The following CTIF variants were observed in gnomAD, a reference collection of about 807,000 sequenced individuals.
The protein encoded by CTIF is cap binding complex dependent translation initiation factor.
In CTIF, 21 loss-of-function variants were observed where a neutral mutation model predicts 66.0. The observed-to-expected ratio is 0.32, with a 90% confidence interval of 0.23 to 0.46. The LOEUF (loss-of-function observed/expected upper bound fraction) is 0.46, where lower values mean the gene tolerates loss of function less well. Among genes scored for constraint, CTIF ranks in the 20% least tolerant of loss-of-function variants. The pLI is 1.00. For synonymous variants in CTIF, 345 were observed against 326.4 expected (o/e 1.06, Z -0.62); for missense variants, 739 against 812.7 (o/e 0.91, Z 1.10).
rs189506293 is a variant in CTIF, at chr18:48,669,270, G to T, written c.432-1399G>T. Among the ~76,000 whole-genome samples, 605 of 152,212 alleles carry T rather than the reference G, an allele frequency of 4.0e-3. 7 individuals are homozygous for T. Among genetic ancestry groups the T allele is most frequent in the African/African-American group, 0.014 (583 of 41,512 alleles). ...AAACAATGAACTAGTTACTCTGAAA[G>T]GTGAGATTCGTATGAACTCTGCAGC... On this transcript the variant is annotated intron_variant, in intron 5 of 11. Coordinates refer to ENST00000256413, the MANE Select transcript of CTIF (RefSeq NM_014772.3).
intron 6 of CTIF, among the ~76,000 whole-genome samples, chr18:48,711,060 AAAG>A (rs1375098209): frequency 4.6e-5 from 7 of 152,350 alleles, no homozygotes; most frequent in Admixed American, 4.6e-4. Context: ...CAATATAGGG[AAAG>A]AAGATCTTGG....
At chr18:48,561,700 C>T (rs2089167984) in intron 1 of CTIF, among the ~76,000 whole-genome samples, 1 of 152,204 alleles carries the variant, frequency 6.6e-6, no homozygotes, top group Non-Finnish European at 1.5e-5. Context: ...GGAAGTGTGT[C>T]TATATTCTGA....
Position 48,758,050 on chromosome 18 carries a change from C to T in CTIF, c.716C>T (p.Pro239Leu), listed in dbSNP as rs1240968585. 1 of 1,614,076 alleles carries T rather than the reference C, an allele frequency of 6.2e-7. No individual in the cohort carries two copies. Among genetic ancestry groups the T allele is most frequent in the African/African-American group, 1.3e-5 (1 of 75,034 alleles). ...GGSAPHPSGRPTHHGYSQNRR... is the reference protein window; with the variant it reads ...GGSAPHPSGRLTHHGYSQNRR... ...TCAGCACCCCACCCCTCAGGGAGGC[C>T]CACTCACCATGGCTACAGCCAGAAC... The change falls in exon 8 of 12, where the codon CCC (proline) becomes CTC (leucine). Residue 239 changes from proline (P) to leucine (L), a missense_variant. Transcript: ENST00000256413.
rs775288854 is a variant in CTIF, at chr18:48,761,446, C to T, written c.1128C>T (p.Ile376=). ...AGCAGAACAAGATGGACAAGCTGAT[C>T]GAGATCCTGAACAGCATGCGGAACA... ...TPQQNKMDKL[I]EILNSMRNNS... Residue 376 remains isoleucine, a synonymous_variant, in exon 9 of 12, where the codon ATC becomes ATT. Transcript: ENST00000256413. This position sits in a 1 kb window ranked among gnomAD's most constrained non-coding sequence, Gnocchi z 4.2. The T allele has an allele frequency of 1.1e-5, 17 of 1,613,992 alleles. 1 individual carries two copies. Among genetic ancestry groups the T allele is most frequent in the South Asian group, 7.7e-5 (7 of 91,086 alleles).
intron 1 of CTIF, among the ~76,000 whole-genome samples, chr18:48,550,645 G>A (rs1032910626): frequency 1.3e-5 from 2 of 152,146 alleles, no homozygotes; most frequent in Non-Finnish European, 2.9e-5. Context: ...AGCACAGTCT[G>A]TGGGTTGCTA....
rs182336067 is a variant in CTIF at position 48,815,854 on chromosome 18, A to G, written c.1372-1367A>G. ...GTCACATTCTACAACCTGTCTTCCC[A>G]TGTTCTATTTTGGTGGTGACACAGT... is the stretch of plus-strand genomic sequence containing the variant. On this transcript the variant is annotated intron_variant, in intron 9 of 11. Transcript: ENST00000256413. Among the ~76,000 whole-genome samples, 16 of 152,282 alleles carry G rather than the reference A, an allele frequency of 1.1e-4. No homozygotes were observed. In the East Asian group the frequency reaches 2.9e-3, roughly 28 times the overall value.
chr18:48,582,936 C>T (rs187895788), intron 1 of CTIF, among the ~76,000 whole-genome samples: 28 of 152,352 alleles, frequency 1.8e-4, no homozygotes, highest in Non-Finnish European at 4.4e-5. Flanking sequence ...CTCAGCAGAG[C>T]AGGCCAGCAC....
intron 1 of CTIF, among the ~76,000 whole-genome samples, chr18:48,618,071 G>A (rs1181861994): frequency 6.6e-6 from 1 of 152,224 alleles, no homozygotes; most frequent in Non-Finnish European, 1.5e-5. Flanking sequence ...AGGCAGTGAG[G>A]GTGTGGGAGA....
At chr18:48,653,218 A>G (rs1455175125) in intron 3 of CTIF, among the ~76,000 whole-genome samples, 2 of 152,234 alleles carry the variant, frequency 1.3e-5, no homozygotes, top group East Asian at 1.9e-4. Context: ...ATGATTGTAT[A>G]CTTAGAAAAC....
At chr18:48,795,729 T>C (rs2067900691) in intron 9 of CTIF, among the ~76,000 whole-genome samples, 1 of 152,250 alleles carries the variant, frequency 6.6e-6, no homozygotes, top group African/African-American at 2.4e-5. Flanking sequence ...GTCATCAGCC[T>C]GATTACTAAG....
chr18:48,598,941 C>T (rs893821258), intron 1 of CTIF, among the ~76,000 whole-genome samples: 11 of 152,178 alleles, frequency 7.2e-5, no homozygotes, highest in Non-Finnish European at 1.3e-4. Flanking sequence ...TGCCCCTATA[C>T]GAGTGGAGCA....
At chr18:48,857,498 G>A (rs2069356949) in intron 10 of CTIF, 90 bp from the exon 11 acceptor site, 3 of 1,156,748 alleles carry the variant, frequency 2.6e-6, no homozygotes, top group South Asian at 1.5e-5. Context: ...CAGGGCTGGG[G>A]CTGCAGGTCG....
chr18:48,635,297 T>C (rs1323599080), intron 2 of CTIF, among the ~76,000 whole-genome samples: 1 of 136,038 alleles, frequency 7.4e-6, no homozygotes, highest in Non-Finnish European at 1.6e-5. Flanking sequence ...CTGCTTTTTC[T>C]TTTTTTTCTT....
chr18:48,858,775 C>T (rs11876330), intron 11 of CTIF, among the ~76,000 whole-genome samples: 1 of 151,964 alleles, frequency 6.6e-6, no homozygotes, highest in Admixed American at 6.5e-5. Flanking sequence ...TTCTCTCCCC[C>T]ACTTCCTGTC....
intron 6 of CTIF, among the ~76,000 whole-genome samples, chr18:48,700,658 C>T (rs563885617): frequency 4.6e-5 from 7 of 152,342 alleles, no homozygotes; most frequent in Admixed American, 2.6e-4. Flanking sequence ...GCCCCTCAAG[C>T]GTGGGCCGTG....
chr18:48,651,174 G>T (rs968527852), intron 3 of CTIF, among the ~76,000 whole-genome samples: 1 of 152,164 alleles, frequency 6.6e-6, no homozygotes, highest in African/African-American at 2.4e-5. Flanking sequence ...TGAGCTAAAT[G>T]CCCCAATTAA....
At chr18:48,740,372 AC>A (rs2092543334) in intron 7 of CTIF, among the ~76,000 whole-genome samples, 1 of 152,092 alleles carries the variant, frequency 6.6e-6, no homozygotes, top group Non-Finnish European at 1.5e-5. Context: ...ACCTGGCCCA[AC>A]CTAACTTTCC....
intron 10 of CTIF, among the ~76,000 whole-genome samples, chr18:48,855,918 A>T (rs1406749310): frequency 6.6e-6 from 1 of 152,230 alleles, no homozygotes; most frequent in Non-Finnish European, 1.5e-5. Flanking sequence ...CCATAGTGTC[A>T]TCCAGAAAGT....
At chr18:48,781,945 G>A (rs1290866595) in intron 9 of CTIF, among the ~76,000 whole-genome samples, 1 of 152,160 alleles carries the variant, frequency 6.6e-6, no homozygotes, top group Non-Finnish European at 1.5e-5. Context: ...ACTGTAAAGT[G>A]CCACGTAAAT....
Sources: allele counts gnomAD v4.1 joint callset (sites outside exome capture counted in the v4.1 genomes callset), GRCh38; gene constraint gnomAD v4.1.1; non-coding constraint Gnocchi (gnomAD v3.1); transcripts MANE v1.5; gene names NCBI Gene and HGNC (gene_info 2026-07-23, HGNC 2026-07-21).